Variants in PUM1 observed in about 807,000 individuals in gnomAD.
The protein encoded by PUM1 is pumilio RNA binding family member 1, also known as pumilio homolog 1.
A neutral mutation model predicts 131.8 loss-of-function variants in PUM1; 13 were observed. The observed-to-expected ratio is 0.10, with a 90% CI of 0.06 to 0.16. The LOEUF is 0.16. Ranked by LOEUF, PUM1 falls within the 10% of genes least tolerant of loss-of-function variation. PUM1 has a pLI of 1.00. For missense variants in PUM1, 961 were observed against 1,512.4 expected, an observed-to-expected ratio of 0.64 and a Z score of 6.05; for synonymous variants, 509 against 556.5, an observed-to-expected ratio of 0.91 and a Z score of 1.20.
intron 10 of PUM1, among the ~76,000 whole-genome samples, chr1:30,971,248 C>T (rs895161084): frequency 6.6e-6 from 1 of 152,158 alleles, no homozygotes; most frequent in African/African-American, 2.4e-5. Context: ...AAAAGGCCAA[C>T]AGCAAAGTTT....
intron 10 of PUM1, among the ~76,000 whole-genome samples, chr1:30,973,389 C>T (rs758801714): frequency 1.8e-4 from 27 of 152,050 alleles, no homozygotes; most frequent in Non-Finnish European, 7.4e-5. Flanking sequence ...TCTGACAATG[C>T]GTATCGAAGC....
intron 14 of PUM1, among the ~76,000 whole-genome samples, chr1:30,960,975 T>TA (rs1251736419): frequency 3.6e-5 from 5 of 137,996 alleles, no homozygotes; most frequent in African/African-American, 1.3e-4. Flanking sequence ...GACAACATTT[T>TA]AAAAATGAAA....
chr1:31,027,508 T>C (rs1029827071), intron 3 of PUM1, among the ~76,000 whole-genome samples: 6 of 152,128 alleles, frequency 3.9e-5, no homozygotes, highest in Admixed American at 2.6e-4. Flanking sequence ...GTCAGTGACA[T>C]TAGGCAGGCA....
chr1:30,977,949 G>A (rs1289552879), intron 9 of PUM1, among the ~76,000 whole-genome samples: 1 of 152,110 alleles, frequency 6.6e-6, no homozygotes, highest in Non-Finnish European at 1.5e-5. Context: ...CTTCAAATGA[G>A]ACAGTTCTCT....
intron 2 of PUM1, among the ~76,000 whole-genome samples, chr1:31,031,675 CT>C: frequency 6.6e-6 from 1 of 152,348 alleles, no homozygotes; most frequent in African/African-American, 2.4e-5. Flanking sequence ...CATAAAACTG[CT>C]GTCAGTTTCT....
At chr1:31,020,605 C>T (rs1186767806) in intron 3 of PUM1, among the ~76,000 whole-genome samples, 1 of 152,102 alleles carries the variant, frequency 6.6e-6, no homozygotes, top group Non-Finnish European at 1.5e-5. Flanking sequence ...AAGCAAACAG[C>T]CCGACTGAGA....
chr1:30,966,139 A>C lies in PUM1; in HGVS notation c.1929T>G (p.Ser643Arg). ...QQQPNNNLAS[S>R]SFYGNNSLNS... The stretch of plus-strand genomic sequence containing the variant: ...TCAGAGAGTTGTTGCCGTAGAAAGA[A>C]CTGGATGCCAGGTTGTTATTGGGCT... Residue 643 changes from serine (S) to arginine (R), a missense_variant, in exon 13 of 22, where the codon AGT becomes AGG. Ser to Arg is a moderately radical substitution (Grantham distance 110). Around this residue, in one of 4 missense-constraint regions of PUM1, gnomAD observed 654 missense variants for 923.9 expected, o/e 0.71. Coordinates refer to ENST00000426105, the MANE Select transcript of PUM1 (RefSeq NM_001020658.2). The C allele has an allele frequency of 1.9e-6, 3 of 1,614,100 alleles. No homozygotes were observed. The highest frequency in any genetic ancestry group is 2.5e-6 in the Non-Finnish European group (3 of 1,180,006).
At position 31,065,599 on chromosome 1, in the gene PUM1, G is replaced by A. The variant is rs552849533; in HGVS notation, c.-12+17C>T. ...GTCCGGAGCAGCGTTTGGGGCCGGT[G>A]GGGTGCGGATACTCACGGGCGGAGC... On this transcript the variant is annotated intron_variant, in intron 1 of 21. Transcript: ENST00000426105. 6.5e-7 allele frequency: 1 copy of A among 1,544,750 alleles called. No homozygotes were observed. The highest frequency in any genetic ancestry group is 1.4e-5 in the African/African-American group (1 of 73,002).
chr1:30,980,230 A>G, intron 8 of PUM1, 67 bp from the exon 9 acceptor site: 1 of 1,226,000 alleles, frequency 8.2e-7, no homozygotes, highest in Non-Finnish European at 1.2e-6. Context: ...AAATACCTAC[A>G]CAGTTTCGCT....
chr1:30,968,303 C>T (rs1394284429), intron 11 of PUM1, 51 bp downstream of exon 11: 12 of 1,590,598 alleles, frequency 7.5e-6, no homozygotes, highest in East Asian at 2.3e-5. Flanking sequence ...TCACCTCAAA[C>T]GTGCAGCCTT....
At chr1:31,049,288 G>A (rs1246911035) in intron 2 of PUM1, among the ~76,000 whole-genome samples, 1 of 152,152 alleles carries the variant, frequency 6.6e-6, no homozygotes, top group African/African-American at 2.4e-5. Context: ...GGCTGAGGCA[G>A]GTGGATCACT....
At chr1:30,972,668 G>A (rs1476588342) in intron 10 of PUM1, among the ~76,000 whole-genome samples, 1 of 151,284 alleles carries the variant, frequency 6.6e-6, no homozygotes. Context: ...CAGCTACTCA[G>A]GAGGCTGAGG....
At chr1:31,058,755 G>C (rs1455287188) in intron 2 of PUM1, among the ~76,000 whole-genome samples, 2 of 151,940 alleles carry the variant, frequency 1.3e-5, no homozygotes, top group African/African-American at 4.8e-5. Context: ...CAGATCACTT[G>C]AGGTCAGGAG....
chr1:30,995,966 AG>A (rs1478122349), intron 5 of PUM1, among the ~76,000 whole-genome samples: 1 of 152,216 alleles, frequency 6.6e-6, no homozygotes, highest in African/African-American at 2.4e-5. Context: ...GAGATCTCTA[AG>A]TGGGAGTATG....
chr1:30,979,004 T>TC (rs1376009952), intron 9 of PUM1, among the ~76,000 whole-genome samples: 1 of 151,682 alleles, frequency 6.6e-6, no homozygotes. Flanking sequence ...CTCAGGAGGC[T>TC]GACGCAGGAG....
chr1:31,028,026 T>C lies in PUM1; in HGVS notation c.432+770A>G, dbSNP rs138433567. ...ACTTGTGGGCCTGTGGTATTTTAAG[T>C]AGTTAATTCAAACTGTATATTCTAC... On this transcript the variant is annotated intron_variant, in intron 3 of 21. Coordinates refer to ENST00000426105, the MANE Select transcript of PUM1 (RefSeq NM_001020658.2). Among the ~76,000 whole-genome samples, 270 of 152,342 alleles carry C rather than the reference T, an allele frequency of 1.8e-3. 1 individual carries two copies. Among genetic ancestry groups the C allele is most frequent in the African/African-American group, 6.3e-3 (261 of 41,580 alleles).
intron 9 of PUM1, 93 bp downstream of exon 9, chr1:30,979,969 A>G: frequency 1.2e-6 from 1 of 827,824 alleles, no homozygotes; most frequent in Non-Finnish European, 1.9e-6. Context: ...TCCACTGGAG[A>G]CATGGATTTG....
intron 6 of PUM1, among the ~76,000 whole-genome samples, chr1:30,993,046 A>C (rs1243753837): frequency 6.6e-6 from 1 of 152,204 alleles, no homozygotes; most frequent in Non-Finnish European, 1.5e-5. Flanking sequence ...GAGACAATGG[A>C]AAAAGTTGGT....
chr1:30,956,360 T>C (rs1021790295), intron 14 of PUM1, among the ~76,000 whole-genome samples: 3 of 151,952 alleles, frequency 2.0e-5, no homozygotes, highest in Non-Finnish European at 2.9e-5. Flanking sequence ...GCCTCCCAGG[T>C]TGAAGCAATT....
Sources: gnomAD v4.1 joint callset for allele counts (sites outside exome capture counted in the v4.1 genomes callset) on GRCh38, gnomAD v4.1.1 for gene constraint, gnomAD v4.1.1 regional missense constraint, MANE v1.5 for transcripts, NCBI Gene and HGNC (gene_info 2026-07-23, HGNC 2026-07-21) for gene names.